Variants in RIT2 observed in about 807,000 individuals in gnomAD.
The protein encoded by RIT2 is GTP-binding protein Rit2.
A neutral mutation model predicts 23.7 loss-of-function variants in RIT2; 24 were observed. That is an observed-to-expected ratio of 1.01 (90% CI 0.73 to 1.43). The LOEUF (loss-of-function observed/expected upper bound fraction) is 1.43, where lower values mean the gene tolerates loss of function less well. Among genes scored for constraint, RIT2 ranks in the 40% most tolerant of loss-of-function variants. The probability of loss-of-function intolerance (pLI) is 0.00; values close to 1 mark genes in which losing one functional copy is unlikely to be tolerated. For synonymous variants in RIT2, 107 were observed against 91.1 expected, an observed-to-expected ratio of 1.17 and a Z score of -0.99; for missense variants, 236 against 266.9, an observed-to-expected ratio of 0.88 and a Z score of 0.81.
intron 3 of RIT2, among the ~76,000 whole-genome samples, chr18:42,933,989 G>C (rs2144148597): frequency 7.0e-6 from 1 of 142,680 alleles, no homozygotes; most frequent in African/African-American, 2.6e-5. Context: ...CTGCACTCCA[G>C]CCTGGTGACA....
At chr18:42,987,238 A>T (rs1159654898) in intron 2 of RIT2, among the ~76,000 whole-genome samples, 1 of 152,150 alleles carries the variant, frequency 6.6e-6, no homozygotes, top group African/African-American at 2.4e-5. Flanking sequence ...GTACTTCCCC[A>T]TTCTTTGATT....
At chr18:42,987,177 T>C (rs1412062625) in intron 2 of RIT2, among the ~76,000 whole-genome samples, 1 of 152,206 alleles carries the variant, frequency 6.6e-6, no homozygotes, top group African/African-American at 2.4e-5. Context: ...TTTATGTATG[T>C]GTGTGCGTAC....
chr18:42,916,432 G>T (rs1242728786), intron 4 of RIT2, among the ~76,000 whole-genome samples: 1 of 152,068 alleles, frequency 6.6e-6, no homozygotes, highest in East Asian at 1.9e-4. Flanking sequence ...GCAGATTTCA[G>T]TTATTAAAGA....
intron 3 of RIT2, among the ~76,000 whole-genome samples, chr18:42,927,021 A>T (rs1909195902): frequency 6.6e-6 from 1 of 151,954 alleles, no homozygotes; most frequent in South Asian, 2.1e-4. Context: ...GCAGTAGAAA[A>T]GCTCAAATGA....
chr18:42,831,982 T>C (rs945252671), intron 4 of RIT2, among the ~76,000 whole-genome samples: 1 of 152,220 alleles, frequency 6.6e-6, no homozygotes. Flanking sequence ...AATTTTCTTC[T>C]GATCCTACAA....
intron 4 of RIT2, among the ~76,000 whole-genome samples, chr18:42,759,782 A>C (rs897092633): frequency 7.7e-6 from 1 of 130,626 alleles, no homozygotes; most frequent in Non-Finnish European, 1.7e-5. Flanking sequence ...TATATATATA[A>C]ATTTTTTTTT....
intron 4 of RIT2, among the ~76,000 whole-genome samples, chr18:42,846,107 G>T (rs1052442927): frequency 1.3e-5 from 2 of 151,850 alleles, no homozygotes; most frequent in South Asian, 4.1e-4. Flanking sequence ...AAAAAACAGC[G>T]ATTTAGTTGT....
intron 3 of RIT2, among the ~76,000 whole-genome samples, chr18:42,926,338 C>T (rs1220992561): frequency 6.6e-6 from 1 of 151,782 alleles, no homozygotes; most frequent in South Asian, 2.1e-4. Context: ...TCAACATGTC[C>T]TATGACATAT....
chr18:42,774,553 G>A (rs1913623818), intron 4 of RIT2, among the ~76,000 whole-genome samples: 1 of 150,132 alleles, frequency 6.7e-6, no homozygotes. Context: ...ATGTGACACA[G>A]AGAAATCAGG....
rs555289831 is a variant in RIT2 at position 43,078,318 on chromosome 18, A to G, written c.103+37099T>C. On this transcript the variant is annotated intron_variant, in intron 1 of 4. Transcript: ENST00000326695. Reference sequence around the variant, plus strand: ...CCCCACTCTGACCTCTCTGTGTGCCAGGTGCATTCTTGCCACTGTACTTTT... The same window carrying G: ...CCCCACTCTGACCTCTCTGTGTGCCGGGTGCATTCTTGCCACTGTACTTTT... Among the ~76,000 whole-genome samples the G allele has an allele frequency of 1.1e-3, 169 of 152,294 alleles. 1 individual carries two copies. The highest frequency in any genetic ancestry group is 3.8e-3 in the African/African-American group (156 of 41,546).
chr18:43,000,896 C>T (rs1421987422), intron 2 of RIT2, among the ~76,000 whole-genome samples: 1 of 151,906 alleles, frequency 6.6e-6, no homozygotes, highest in African/African-American at 2.4e-5. Flanking sequence ...ACTGGAATCC[C>T]AATAGAAGTC....
chr18:42,935,235 G>A (rs1345266151), intron 3 of RIT2, among the ~76,000 whole-genome samples: 1 of 152,144 alleles, frequency 6.6e-6, no homozygotes, highest in African/African-American at 2.4e-5. Context: ...GTTAGTGTTG[G>A]GGCCTCAAGA....
chr18:42,854,860 T>G (rs1204842639), intron 4 of RIT2, among the ~76,000 whole-genome samples: 1 of 152,186 alleles, frequency 6.6e-6, no homozygotes, highest in Non-Finnish European at 1.5e-5. Flanking sequence ...TTGCCCTTCC[T>G]GCAGGACCCA....
chr18:42,750,360 A>G (rs1913017507), intron 4 of RIT2, among the ~76,000 whole-genome samples: 1 of 151,818 alleles, frequency 6.6e-6, no homozygotes, highest in Admixed American at 6.6e-5. Context: ...TTATTAACCA[A>G]TATGGTGATT....
chr18:42,776,007 T>C (rs1384406306), intron 4 of RIT2, among the ~76,000 whole-genome samples: 4 of 152,154 alleles, frequency 2.6e-5, no homozygotes, highest in African/African-American at 7.2e-5. Context: ...TCATGAGAAA[T>C]GCTATAAAAG....
intron 2 of RIT2, among the ~76,000 whole-genome samples, chr18:42,997,307 C>A (rs1911007266): frequency 6.6e-6 from 1 of 151,904 alleles, no homozygotes; most frequent in African/African-American, 2.4e-5. Context: ...TGTTCCCTTC[C>A]CTCCTTCCCT....
intron 3 of RIT2, among the ~76,000 whole-genome samples, chr18:42,972,921 A>T (rs1910395255): frequency 6.6e-6 from 1 of 151,892 alleles, no homozygotes; most frequent in South Asian, 2.1e-4. Flanking sequence ...GAGGTGCATT[A>T]AAACTTTCTA....
At chr18:42,779,647 A>G (rs1299967401) in intron 4 of RIT2, among the ~76,000 whole-genome samples, 1 of 152,212 alleles carries the variant, frequency 6.6e-6, no homozygotes, top group African/African-American at 2.4e-5. Flanking sequence ...TATAAATGTA[A>G]TTCTCATCCT....
At chr18:42,840,044 C>T (rs915517489) in intron 4 of RIT2, among the ~76,000 whole-genome samples, 18 of 152,192 alleles carry the variant, frequency 1.2e-4, no homozygotes, top group Admixed American at 9.2e-4. Flanking sequence ...GTTGAATGTA[C>T]ACTCTTAATC....
Sources: gnomAD v4.1 joint callset for allele counts (sites outside exome capture counted in the v4.1 genomes callset) on GRCh38, gnomAD v4.1.1 for gene constraint, MANE v1.5 for transcripts, NCBI Gene and HGNC (gene_info 2026-07-23, HGNC 2026-07-21) for gene names.